TLCD4: variants seen among roughly 807,000 people sequenced by gnomAD.
TLCD4 encodes the protein TLC domain containing 4.
Under a neutral mutation model 24.2 loss-of-function variants are expected in TLCD4, and 7 were observed. The observed-to-expected ratio is 0.29, with a 90% CI of 0.16 to 0.54. The LOEUF (loss-of-function observed/expected upper bound fraction) is 0.54. Ranked by LOEUF, TLCD4 falls within the 20% of genes least tolerant of loss-of-function variation. The probability of loss-of-function intolerance (pLI) is 0.95; values close to 1 mark genes in which losing one functional copy is unlikely to be tolerated. For missense variants in TLCD4, 259 were observed against 313.9 expected (o/e 0.82, Z 1.32); for synonymous variants, 103 against 106.4 (o/e 0.97, Z 0.20).
In TLCD4 at chr1:95,195,049, C is replaced by T. The variant is rs1269723103; in HGVS notation, c.*3181C>T. On this transcript the variant is annotated 3_prime_UTR_variant, in exon 7 of 7. Transcript: ENST00000370203. The stretch of plus-strand genomic sequence containing the variant: ...AGTGACTCTGATATATTATGGATGA[C>T]CCAGGACGGTCTTAAAGGTCTAGTT... 6.6e-6 allele frequency: 1 copy of T among 152,116 alleles called. No homozygotes were observed. The highest frequency in any genetic ancestry group is 1.5e-5 in the Non-Finnish European group (1 of 68,000). 9.4% of individuals were successfully genotyped at this position (152,116 alleles called of 1,614,324 possible).
intron 1 of TLCD4, among the ~76,000 whole-genome samples, chr1:95,118,776 C>T (rs1445238874): frequency 6.6e-6 from 1 of 152,128 alleles, no homozygotes; most frequent in Admixed American, 6.5e-5. Context: ...AATTTTTATC[C>T]TTGCTTATCT....
chr1:95,191,193 T>C (rs963023653), intron 6 of TLCD4, among the ~76,000 whole-genome samples: 9 of 152,240 alleles, frequency 5.9e-5, no homozygotes, highest in African/African-American at 1.9e-4. Context: ...GATGTTGATA[T>C]ACAATTTTGC....
the TLCD4 span, among the ~76,000 whole-genome samples, chr1:95,098,797 G>C: frequency 6.6e-6 from 1 of 152,122 alleles, no homozygotes; most frequent in Non-Finnish European, 1.5e-5. Flanking sequence ...GGGTGCGGTG[G>C]CTCACACCTG....
intron 3 of TLCD4, among the ~76,000 whole-genome samples, chr1:95,149,699 CG>C (rs1287392089): frequency 6.6e-5 from 10 of 152,040 alleles, no homozygotes; most frequent in African/African-American, 2.4e-4. Context: ...ATTTTACTAA[CG>C]TGACCATCAG....
At chr1:95,118,292 A>G (rs938105156) in intron 1 of TLCD4, among the ~76,000 whole-genome samples, 1 of 152,162 alleles carries the variant, frequency 6.6e-6, no homozygotes, top group Non-Finnish European at 1.5e-5. Flanking sequence ...TTACCCAGCC[A>G]TGAAATGGGA....
At chr1:95,154,685 C>G (rs565667960) in intron 5 of TLCD4, among the ~76,000 whole-genome samples, 1 of 152,126 alleles carries the variant, frequency 6.6e-6, no homozygotes, top group East Asian at 1.9e-4. Flanking sequence ...TGTGTGTTAG[C>G]TCAAACCTTC....
At chr1:95,128,441 A>T (rs1676801719) in intron 1 of TLCD4, among the ~76,000 whole-genome samples, 1 of 152,222 alleles carries the variant, frequency 6.6e-6, no homozygotes, top group South Asian at 2.1e-4. Context: ...AGAACATGTA[A>T]ATGTAAGCTA....
the TLCD4 span, among the ~76,000 whole-genome samples, chr1:95,109,824 C>T: frequency 4.0e-5 from 6 of 149,766 alleles, no homozygotes; most frequent in Non-Finnish European, 5.9e-5. Flanking sequence ...CCCCTACACA[C>T]TTTTTGTTGC....
the TLCD4 span, among the ~76,000 whole-genome samples, chr1:95,109,406 C>A: frequency 2.0e-5 from 3 of 151,660 alleles, no homozygotes; most frequent in South Asian, 2.1e-4. Flanking sequence ...TTTTTCTCTC[C>A]AAAACCTGGT....
chr1:95,109,909 A>G, the TLCD4 span, among the ~76,000 whole-genome samples: 25 of 66,042 alleles, frequency 3.8e-4, no homozygotes, highest in Middle Eastern at 7.2e-3. Context: ...TAATGTGTGT[A>G]TGCATATATA....
At chr1:95,101,689 C>G in the TLCD4 span, among the ~76,000 whole-genome samples, 3 of 152,182 alleles carry the variant, frequency 2.0e-5, no homozygotes, top group Non-Finnish European at 4.4e-5. Flanking sequence ...GTGAAAAACA[C>G]TGCTTTGAAC....
intron 5 of TLCD4, among the ~76,000 whole-genome samples, chr1:95,161,227 C>T (rs1166172338): frequency 3.3e-5 from 5 of 152,042 alleles, no homozygotes; most frequent in African/African-American, 1.2e-4. Flanking sequence ...CTGGTTTAGT[C>T]TTGGGAGGGT....
chr1:95,138,432 T>C (rs35917978), intron 1 of TLCD4: 10,811 of 152,212 alleles, frequency 0.071, 435 homozygotes, highest in Non-Finnish European at 0.089. Context: ...TTAAGACATG[T>C]ACAGTCATGC....
the TLCD4 span, among the ~76,000 whole-genome samples, chr1:95,109,916 T>C: frequency 1.4e-3 from 5 of 3,462 alleles, no homozygotes; most frequent in Non-Finnish European, 2.1e-3. Context: ...TGTATGCATA[T>C]ATATATATAT....
chr1:95,125,933 C>T (rs1276298619), intron 1 of TLCD4, among the ~76,000 whole-genome samples: 3 of 151,482 alleles, frequency 2.0e-5, no homozygotes, highest in Non-Finnish European at 2.9e-5. Context: ...AGGAGGGTCA[C>T]TTGAGTTCAG....
At chr1:95,155,677 C>CG (rs1406472164) in intron 5 of TLCD4, among the ~76,000 whole-genome samples, 2 of 151,104 alleles carry the variant, frequency 1.3e-5, no homozygotes, top group East Asian at 3.9e-4. Context: ...GATATATTGA[C>CG]GGGTACAGGA....
the TLCD4 span, among the ~76,000 whole-genome samples, chr1:95,092,562 C>G: frequency 6.6e-6 from 1 of 152,204 alleles, no homozygotes; most frequent in Non-Finnish European, 1.5e-5. Flanking sequence ...TGCTACTGCT[C>G]ACTCTTTAGG....
At chr1:95,100,104 CA>C in the TLCD4 span, among the ~76,000 whole-genome samples, 12 of 150,444 alleles carry the variant, frequency 8.0e-5, no homozygotes, top group South Asian at 8.4e-4. Flanking sequence ...GACCCCATCT[CA>C]AAAAAAATAT....
intron 1 of TLCD4, among the ~76,000 whole-genome samples, chr1:95,131,372 A>G (rs560254104): frequency 5.9e-5 from 9 of 152,222 alleles, no homozygotes; most frequent in Non-Finnish European, 1.2e-4. Context: ...AGAAGGGAAC[A>G]TGGCATCTTT....
Sources: allele counts gnomAD v4.1 joint callset (sites outside exome capture counted in the v4.1 genomes callset), GRCh38; gene constraint gnomAD v4.1.1; transcripts MANE v1.5; gene names NCBI Gene and HGNC (gene_info 2026-07-23, HGNC 2026-07-21).